FAM200A: variants seen among roughly 807,000 people sequenced by gnomAD.
FAM200A encodes ZBED8 like.
FAM200A carries 26 observed loss-of-function variants against 44.2 expected under a neutral mutation model. The observed-to-expected ratio is 0.59, with a 90% CI of 0.43 to 0.82. The LOEUF is 0.82. Among genes scored for constraint, FAM200A ranks in the 40% least tolerant of loss-of-function variants. The pLI is 0.00. For synonymous variants in FAM200A, 206 were observed against 244.4 expected (o/e 0.84, Z 1.47); for missense variants, 606 against 669.5 (o/e 0.91, Z 1.05).
In FAM200A at chr7:99,546,825, A is replaced by G; in HGVS notation, c.1583T>C (p.Leu528Pro). Residue 528 changes from leucine to proline, a missense_variant, in exon 2 of 2, where the codon CTA (leucine) becomes CCA (proline). By Grantham distance (98) the Leu-to-Pro change is moderately conservative. Coordinates refer to ENST00000449309, the MANE Select transcript of FAM200A (RefSeq NM_145111.4). ...TAACCGTGTCAAGATTGAAAATCCT[A>G]GTTCACACAAATATGTAGTTGTGAA... ...LPFTTTYLCE[L>P]GFSILTRLKT... is the part of the protein sequence containing the mutation. 1.3e-6 allele frequency: 2 copies of G among 1,551,672 alleles called. No homozygotes were observed. Among genetic ancestry groups the G allele is most frequent in the Non-Finnish European group, 1.7e-6 (2 of 1,146,988 alleles).
At position 99,547,864 on chromosome 7, in the gene FAM200A, T is replaced by C; in HGVS notation, c.544A>G (p.Ile182Val). 1 of 1,551,232 alleles carries C rather than the reference T, an allele frequency of 6.4e-7. No individual in the cohort carries two copies. Among genetic ancestry groups the C allele is most frequent in the Non-Finnish European group, 8.7e-7 (1 of 1,146,894 alleles). The change falls in exon 2 of 2, where the codon ATA becomes GTA. Residue 182 changes from isoleucine (I) to valine (V), a missense_variant. By Grantham distance (29) the Ile-to-Val change is conservative (BLOSUM62 3). Transcript: ENST00000449309. ...LLCCLNLNSH[I>V]TGLDLFTELE... is the part of the protein sequence containing the mutation. ...TCAGTAAATAAATCTAATCCAGTTA[T>C]ATGTGAATTTAAATTTAAACAACAT...
At chr7:99,558,173 AC>A (rs1444914192) in intron 1 of FAM200A, 1 of 152,078 alleles carries the variant, frequency 6.6e-6, no homozygotes, top group African/African-American at 2.4e-5. Context: ...GTCCCATCTC[AC>A]CCAGGCCCCG....
chr7:99,553,916 G>A (rs1802624547), upstream of FAM200A, among the ~76,000 whole-genome samples: 1 of 152,140 alleles, frequency 6.6e-6, no homozygotes, highest in Non-Finnish European at 1.5e-5. Context: ...GGCTATCGGT[G>A]GGTTCCTTAG....
chr7:99,547,232 G>T lies in FAM200A; in HGVS notation c.1176C>A (p.Asn392Lys). The T allele has an allele frequency of 6.4e-7, 1 of 1,551,284 alleles. No individual in the cohort carries two copies. Among genetic ancestry groups the T allele is most frequent in the Non-Finnish European group, 8.7e-7 (1 of 1,146,884 alleles). The change falls in exon 2 of 2, where the codon AAC becomes AAA. Residue 392 changes from asparagine (N) to lysine (K), a missense_variant. By Grantham distance (94) the Asn-to-Lys change is moderately conservative (BLOSUM62 0). Coordinates refer to ENST00000449309, the MANE Select transcript of FAM200A (RefSeq NM_145111.4). ...TTGGAAACATATAGTAGCTAGGGCG[G>T]TTACTTTTAAGTCTTGCTTGCCACA... ...LLLWQARLKSNRPSYYMFPTL... is the reference protein window; with the variant it reads ...LLLWQARLKSKRPSYYMFPTL...
chr7:99,549,182 A>G (rs2151129411), intron 1 of FAM200A, among the ~76,000 whole-genome samples: 1 of 138,192 alleles, frequency 7.2e-6, no homozygotes, highest in South Asian at 2.9e-4. Flanking sequence ...TTTCTTAAAA[A>G]TAAGAAATTA....
upstream of FAM200A, among the ~76,000 whole-genome samples, chr7:99,555,190 GT>G (rs1460704957): frequency 6.6e-6 from 1 of 152,152 alleles, no homozygotes; most frequent in African/African-American, 2.4e-5. Flanking sequence ...CTAATGACTG[GT>G]ATCCTTATAA....
At chr7:99,553,079 A>G (rs1434065987), upstream of FAM200A, among the ~76,000 whole-genome samples, 3 of 88,126 alleles carry the variant, frequency 3.4e-5, no homozygotes, top group East Asian at 3.7e-4. Context: ...ACATATATAT[A>G]TATATATATA....
rs971346375 is a variant in FAM200A, at chr7:99,546,386, T to G, written c.*300A>C. ...AAGTACAAATACAATTTTTTTTTTTTGAGATGAAGTCTCACGCTGTTGCCC... is the reference window on the plus strand; with the variant it reads ...AAGTACAAATACAATTTTTTTTTTTGGAGATGAAGTCTCACGCTGTTGCCC... On this transcript the variant is annotated 3_prime_UTR_variant, in exon 2 of 2. Transcript: ENST00000449309. The G allele has an allele frequency of 3.5e-5, 9 of 259,820 alleles. No individual in the cohort carries two copies. Among genetic ancestry groups the G allele is most frequent in the Non-Finnish European group, 5.7e-5 (8 of 140,184 alleles). The allele number at this position is 259,820 out of a possible 1,614,324, so 16.1% of individuals were successfully genotyped here.
In FAM200A at chr7:99,546,703, C is replaced by T; in HGVS notation, c.1705G>A (p.Ala569Thr). Reference protein sequence around the residue: ...PDWKELMNRQAHPSH With the variant: ...PDWKELMNRQTHPSH ...GTTTGTATTTAATGTGATGGGTGTG[C>T]TTGTCTGTTCATAAGTTCCTTCCAG... Residue 569 changes from alanine (A) to threonine (T), a missense_variant, in exon 2 of 2, where the codon GCA becomes ACA. Ala to Thr is a moderately conservative substitution (Grantham distance 58, BLOSUM62 0). Transcript: ENST00000449309. 6.5e-7 allele frequency: 1 copy of T among 1,528,636 alleles called. No individual in the cohort carries two copies. Among genetic ancestry groups the T allele is most frequent in the African/African-American group, 1.4e-5 (1 of 72,040 alleles). The allele number at this position is 1,528,636 out of a possible 1,614,324, so 94.7% of individuals were successfully genotyped here. A position where few individuals can be genotyped will look rare whatever the true frequency, so the allele number is the denominator to read the frequency against.
intron 1 of FAM200A, among the ~76,000 whole-genome samples, chr7:99,550,842 A>AGGCG (rs1802511896): frequency 1.3e-5 from 2 of 152,264 alleles, no homozygotes; most frequent in Admixed American, 1.3e-4. Flanking sequence ...TGGGAGGCCG[A>AGGCG]GGCGGGCGGA....
upstream of FAM200A, among the ~76,000 whole-genome samples, chr7:99,554,433 C>G (rs557493319): frequency 1.5e-5 from 2 of 137,444 alleles, no homozygotes; most frequent in East Asian, 4.5e-4. Context: ...GAGCTGAGAT[C>G]ACACCACTGC....
rs754031189 is a variant in FAM200A, at chr7:99,548,307, T to A, written c.101A>T (p.Asp34Val). 2.5e-6 allele frequency: 4 copies of A among 1,614,088 alleles called. No homozygotes were observed. The African/African-American group carries it at 5.3e-5, about 22-fold the overall frequency. The change falls in exon 2 of 2, where the codon GAC (aspartate) becomes GTC (valine). Residue 34 changes from aspartate (D) to valine (V), a missense_variant. Transcript: ENST00000449309. ...TTTGTTTCTTTCCTTTTGAAAATGG[T>A]CTTCTTCATCTTCCTCCTCCACCTT... ...IVKVEEEDEE[D>V]HFQKERNKVE...
chr7:99,546,647 CCACA>C lies in FAM200A; in HGVS notation c.*35_*38del. 6.8e-7 allele frequency: 1 copy of C among 1,462,788 alleles called. No individual in the cohort carries two copies. The highest frequency in any genetic ancestry group is 9.0e-7 in the Non-Finnish European group (1 of 1,109,072). The allele number at this position is 1,462,788 out of a possible 1,614,324, so 90.6% of individuals were successfully genotyped here. ...CTGCTGGGATTACAGGCGTAAGCCA[CCACA>C]CCTGGCTATACACAGAATTTTGTAA... On this transcript the variant is annotated 3_prime_UTR_variant, in exon 2 of 2. Transcript: ENST00000449309.
rs1234392001 is a variant in FAM200A, at chr7:99,548,014, T to G, written c.394A>C (p.Thr132Pro). ...IAKHLEAMLI[T>P]RLQSGIDFAI... Reference sequence around the variant, plus strand: ...AAGTCTATACCGGACTGCAGCCGTGTAATAAGCATTGCTTCCAAATGTTTT... The same window carrying G: ...AAGTCTATACCGGACTGCAGCCGTGGAATAAGCATTGCTTCCAAATGTTTT... The change falls in exon 2 of 2, where the codon ACA becomes CCA. Residue 132 changes from threonine to proline, a missense_variant. Coordinates refer to ENST00000449309, the MANE Select transcript of FAM200A (RefSeq NM_145111.4). 6.4e-7 allele frequency: 1 copy of G among 1,551,448 alleles called. No homozygotes were observed. Among genetic ancestry groups the G allele is most frequent in the Admixed American group, 2.0e-5 (1 of 50,984 alleles).
At chr7:99,551,522 G>T (rs1802531299) in intron 1 of FAM200A, among the ~76,000 whole-genome samples, 1 of 152,138 alleles carries the variant, frequency 6.6e-6, no homozygotes, top group Non-Finnish European at 1.5e-5. Flanking sequence ...CACCATAATG[G>T]TACTGGGTTT....
At position 99,547,575 on chromosome 7, in the gene FAM200A, C is replaced by A; in HGVS notation, c.833G>T (p.Ser278Ile). The A allele has an allele frequency of 1.3e-6, 2 of 1,551,404 alleles. No homozygotes were observed. Among genetic ancestry groups the A allele is most frequent in the Non-Finnish European group, 1.7e-6 (2 of 1,146,918 alleles). The change falls in exon 2 of 2, where the codon AGC becomes ATC. Residue 278 changes from serine (S) to isoleucine (I), a missense_variant. Coordinates refer to ENST00000449309, the MANE Select transcript of FAM200A (RefSeq NM_145111.4). ...VNFIKGSSLN[S>I]RLLEIFCSEI... ...TGAACAAAATATTTCGAGAAGTCGGCTATTCAGTGAGCTTCCTTTAATAAA... is the reference window on the plus strand; with the variant it reads ...TGAACAAAATATTTCGAGAAGTCGGATATTCAGTGAGCTTCCTTTAATAAA...
chr7:99,555,431 G>A (rs1489219260), upstream of FAM200A, among the ~76,000 whole-genome samples: 1 of 152,174 alleles, frequency 6.6e-6, no homozygotes, highest in Non-Finnish European at 1.5e-5. Flanking sequence ...TGTTGTTTAA[G>A]CCACCCAGTT....
At chr7:99,556,009 C>T (rs1802668550), upstream of FAM200A, among the ~76,000 whole-genome samples, 1 of 152,134 alleles carries the variant, frequency 6.6e-6, no homozygotes, top group African/African-American at 2.4e-5. Context: ...CCTCCCAAAT[C>T]CAAAGGGGCC....
At chr7:99,554,841 G>C (rs945706362), upstream of FAM200A, among the ~76,000 whole-genome samples, 3 of 152,224 alleles carry the variant, frequency 2.0e-5, no homozygotes, top group Admixed American at 6.5e-5. Flanking sequence ...AGAGGCCAAG[G>C]CTCTTCTGTC....
Sources: allele counts gnomAD v4.1 joint callset (sites outside exome capture counted in the v4.1 genomes callset), GRCh38; gene constraint gnomAD v4.1.1; transcripts MANE v1.5; gene names NCBI Gene and HGNC (gene_info 2026-07-23, HGNC 2026-07-21).